Variants in DAPK1 observed in about 807,000 individuals in gnomAD.
DAPK1 encodes the protein death-associated protein kinase 1.
A neutral mutation model predicts 144.9 loss-of-function variants in DAPK1; 56 were observed. The observed-to-expected ratio is 0.39, with a 90% CI of 0.31 to 0.48. DAPK1 has a LOEUF of 0.48. Among genes scored for constraint, DAPK1 ranks in the 20% least tolerant of loss-of-function variants. DAPK1 has a pLI of 0.95. For synonymous variants in DAPK1, 690 were observed against 749.0 expected (o/e 0.92, Z 1.29); for missense variants, 1,454 against 1,875.4 (o/e 0.78, Z 4.15).
At chr9:87,673,977 G>A (rs1283246521) in intron 19 of DAPK1, among the ~76,000 whole-genome samples, 5 of 152,138 alleles carry the variant, frequency 3.3e-5, no homozygotes, top group Admixed American at 2.6e-4. Flanking sequence ...CCTGCCTGAG[G>A]ACTGTGTTGT....
intron 2 of DAPK1, among the ~76,000 whole-genome samples, chr9:87,557,855 C>T (rs1826774654): frequency 6.6e-6 from 1 of 152,130 alleles, no homozygotes; most frequent in Non-Finnish European, 1.5e-5. Flanking sequence ...GCTTGAGAAT[C>T]ACCTGAACCT....
intron 3 of DAPK1, among the ~76,000 whole-genome samples, chr9:87,629,932 C>T (rs958126256): frequency 3.9e-5 from 6 of 152,126 alleles, no homozygotes; most frequent in Non-Finnish European, 7.3e-5. Flanking sequence ...GGAGCCCTGA[C>T]GTGCCTGTGA....
intron 3 of DAPK1, among the ~76,000 whole-genome samples, chr9:87,606,575 C>CCCTT (rs1307599154): frequency 4.9e-4 from 41 of 83,272 alleles, no homozygotes; most frequent in East Asian, 2.9e-3. Flanking sequence ...CCTCCGTCTC[C>CCCTT]CCTTCCTTCC....
intron 2 of DAPK1, among the ~76,000 whole-genome samples, chr9:87,562,953 C>G (rs1392005275): frequency 6.6e-6 from 1 of 152,190 alleles, no homozygotes; most frequent in East Asian, 1.9e-4. Context: ...GTGCTGACCT[C>G]TTAAACTTTT....
chr9:87,579,227 G>A (rs1258290068), intron 2 of DAPK1, among the ~76,000 whole-genome samples: 5 of 152,098 alleles, frequency 3.3e-5, no homozygotes, highest in Non-Finnish European at 7.3e-5. Context: ...AGTCTTTGAG[G>A]GCCTCTCACT....
At position 87,648,954 on chromosome 9, in the gene DAPK1, G is replaced by A. The variant is rs958219898; in HGVS notation, c.1428+75G>A. 104 of 1,314,288 alleles carry A rather than the reference G, an allele frequency of 7.9e-5. No individual in the cohort carries two copies. The Admixed American group carries it at 1.7e-3, about 22-fold the overall frequency. The allele number at this position is 1,314,288 out of a possible 1,614,324, so 81.4% of individuals were successfully genotyped here. A position where few individuals can be genotyped will look rare whatever the true frequency, so the allele number is the denominator to read the frequency against. On this transcript the variant is annotated intron_variant, in intron 15 of 25. Transcript: ENST00000408954. The stretch of plus-strand genomic sequence containing the variant: ...CAGGCAGCCAGATGGTACAGTCGGG[G>A]CCTTTAGAGTTTTATCCAAGCTAGG...
At chr9:87,577,976 A>G (rs1430070984) in intron 2 of DAPK1, among the ~76,000 whole-genome samples, 1 of 152,094 alleles carries the variant, frequency 6.6e-6, no homozygotes, top group Non-Finnish European at 1.5e-5. Context: ...AGGCGATGAC[A>G]GGGATGAGGC....
At chr9:87,612,646 G>C (rs545548220) in intron 3 of DAPK1, among the ~76,000 whole-genome samples, 1 of 152,198 alleles carries the variant, frequency 6.6e-6, no homozygotes, top group Non-Finnish European at 1.5e-5. Context: ...GAGCCTACTC[G>C]CATGTTGATC....
rs562364510 is a variant in DAPK1, at chr9:87,695,827, G to A, written c.2414-1180G>A. On this transcript the variant is annotated intron_variant, in intron 21 of 25. Transcript: ENST00000408954. Reference sequence around the variant, plus strand: ...CATTCAATATCCTATACCCTGGCACGTTCCAAAATTCATGTATATTTATTC... The same window carrying A: ...CATTCAATATCCTATACCCTGGCACATTCCAAAATTCATGTATATTTATTC... Among the ~76,000 whole-genome samples, 6 of 152,230 alleles carry A rather than the reference G, an allele frequency of 3.9e-5. No homozygotes were observed. In the East Asian group the frequency reaches 9.7e-4, roughly 25 times the overall value.
rs190775094 is a variant in DAPK1, at chr9:87,599,224, G to A, written c.63-5730G>A. On this transcript the variant is annotated intron_variant, in intron 2 of 25. Transcript: ENST00000408954. Reference sequence around the variant, plus strand: ...CATTTCTTAGTTATGCAACTTACTCGCTCAGTGATTTGGGACAATCTTTAA... The same window carrying A: ...CATTTCTTAGTTATGCAACTTACTCACTCAGTGATTTGGGACAATCTTTAA... Among the ~76,000 whole-genome samples the A allele has an allele frequency of 5.3e-5, 8 of 152,310 alleles. No homozygotes were observed. In the East Asian group the frequency reaches 1.2e-3, roughly 22 times the overall value.
chr9:87,635,197 G>A (rs569630906), intron 3 of DAPK1, among the ~76,000 whole-genome samples: 2 of 152,120 alleles, frequency 1.3e-5, no homozygotes, highest in South Asian at 2.1e-4. Context: ...AGAGAAGAGC[G>A]GGCAAAGCCT....
At chr9:87,664,890 C>T (rs1387402506) in intron 18 of DAPK1, among the ~76,000 whole-genome samples, 2 of 152,228 alleles carry the variant, frequency 1.3e-5, no homozygotes, top group Non-Finnish European at 2.9e-5. Context: ...CCTCCCGTCT[C>T]CCTCCACATC....
chr9:87,554,352 C>G (rs1199047260), intron 2 of DAPK1: 1 of 152,048 alleles, frequency 6.6e-6, no homozygotes, highest in Non-Finnish European at 1.5e-5. Context: ...TTATTCTCAT[C>G]TTCTGCAATG....
rs1223685942 is a variant in DAPK1 at position 87,698,783 on chromosome 9, G to C, written c.2739G>C (p.Glu913Asp). 1 of 1,606,632 alleles carries C rather than the reference G, an allele frequency of 6.2e-7. No individual in the cohort carries two copies. Among genetic ancestry groups the C allele is most frequent in the Non-Finnish European group, 8.5e-7 (1 of 1,173,362 alleles). Residue 913 changes from glutamate to aspartate, a missense_variant, in exon 23 of 26, where the codon GAG (glutamate) becomes GAC (aspartate). Physicochemically the swap from Glu to Asp is conservative, Grantham distance 45. This residue lies in a region of DAPK1 where 1,025 missense variants were observed against 1,237.9 expected (regional missense o/e 0.83). Transcript: ENST00000408954. ...ACAAAGACACATCGTTGCTGAAAGAGATTAGGAACAGGTGAGGGGCAGCCA... is the reference window on the plus strand; with the variant it reads ...ACAAAGACACATCGTTGCTGAAAGACATTAGGAACAGGTGAGGGGCAGCCA... ...GYDKDTSLLK[E>D]IRNRFGNDLH...
intron 22 of DAPK1, 73 bp from the exon 23 acceptor site, chr9:87,698,583 G>A (rs935215385): frequency 9.1e-5 from 83 of 909,630 alleles, no homozygotes; most frequent in Non-Finnish European, 1.1e-4. Flanking sequence ...CCAACACACC[G>A]CCCTCACCTG....
At chr9:87,611,674 C>T (rs150105262) in intron 3 of DAPK1, among the ~76,000 whole-genome samples, 6 of 152,154 alleles carry the variant, frequency 3.9e-5, no homozygotes, top group African/African-American at 1.2e-4. Flanking sequence ...AGGCTGGTCT[C>T]GACCTCCTGG....
At chr9:87,672,528 G>A (rs1323059777) in intron 19 of DAPK1, among the ~76,000 whole-genome samples, 1 of 152,106 alleles carries the variant, frequency 6.6e-6, no homozygotes, top group Non-Finnish European at 1.5e-5. Flanking sequence ...GCTTTGTAGT[G>A]CACAGGGATC....
chr9:87,639,543 C>T lies in DAPK1; in HGVS notation c.553+60C>T, dbSNP rs956654484. The stretch of plus-strand genomic sequence containing the variant: ...CATAAACATTATTCTGGCAAACCTC[C>T]CCTGCTAGAAGATTCTTTCCCTGCT... On this transcript the variant is annotated intron_variant, in intron 5 of 25. Transcript: ENST00000408954. The T allele has an allele frequency of 1.9e-6, 3 of 1,609,102 alleles. No homozygotes were observed. The African/African-American group carries it at 4.0e-5, about 22-fold the overall frequency.
chr9:87,635,799 C>T (rs1432144256), intron 3 of DAPK1, among the ~76,000 whole-genome samples: 2 of 152,132 alleles, frequency 1.3e-5, no homozygotes, highest in South Asian at 2.1e-4. Context: ...TCAGGGTGAG[C>T]GCGTGGCAGA....
Sources: gnomAD v4.1 joint callset for allele counts (sites outside exome capture counted in the v4.1 genomes callset) on GRCh38, gnomAD v4.1.1 for gene constraint, gnomAD v4.1.1 regional missense constraint, MANE v1.5 for transcripts, NCBI Gene and HGNC (gene_info 2026-07-23, HGNC 2026-07-21) for gene names.